GNPTAB: variants seen among roughly 807,000 people sequenced by gnomAD.
GNPTAB encodes the protein N-acetylglucosamine-1-phosphotransferase subunits alpha/beta.
In GNPTAB, 92 loss-of-function variants were observed where a neutral mutation model predicts 136.6. That is an observed-to-expected ratio of 0.67 (90% CI 0.57 to 0.80). GNPTAB has a LOEUF of 0.80. GNPTAB is among the 30% of genes least tolerant of loss of function. GNPTAB has a pLI of 0.00. For synonymous variants in GNPTAB, 512 were observed against 535.1 expected (o/e 0.96, Z 0.60); for missense variants, 1,343 against 1,501.8 (o/e 0.89, Z 1.75).
intron 18 of GNPTAB, 175 bp downstream of exon 18, chr12:101,757,037 G>C (rs959178525): frequency 5.2e-6 from 3 of 572,048 alleles, no homozygotes; most frequent in Non-Finnish European, 9.2e-6. Context: ...CCCTCTGCAT[G>C]GGGGACCCTA....
chr12:101,746,723 A>G lies in GNPTAB; in HGVS notation c.*441T>C, dbSNP rs1409689864. The G allele has an allele frequency of 6.1e-6, 1 of 163,980 alleles. No individual in the cohort carries two copies. Among genetic ancestry groups the G allele is most frequent in the Non-Finnish European group, 1.3e-5 (1 of 75,018 alleles). The allele number at this position is 163,980 out of a possible 1,614,324, so 10.2% of individuals were successfully genotyped here. A position where few individuals can be genotyped will look rare whatever the true frequency, so the allele number is the denominator to read the frequency against. On this transcript the variant is annotated 3_prime_UTR_variant, in exon 21 of 21. Transcript: ENST00000299314. ...AGCAAGAATAACTAGTTAACTTAGT[A>G]ACTACTTAAAAATGGGAAATGAAAA...
At chr12:101,756,445 C>T (rs11111000) in intron 18 of GNPTAB, 44,797 of 394,312 alleles carry the variant, frequency 0.11, 3,322 homozygotes, top group African/African-American at 0.23. Flanking sequence ...TGCAGCAGCT[C>T]ATGTCTGTGG....
At chr12:101,765,803 C>CTTT in intron 12 of GNPTAB, 2 of 411,144 alleles carry the variant, frequency 4.9e-6, no homozygotes, top group East Asian at 5.1e-5. Flanking sequence ...TATTGATATC[C>CTTT]TTTTTTGTTT....
At chr12:101,781,917 T>C (rs191096176) in intron 5 of GNPTAB, among the ~76,000 whole-genome samples, 2 of 152,310 alleles carry the variant, frequency 1.3e-5, no homozygotes, top group Admixed American at 6.5e-5. Flanking sequence ...GTCATCTTCA[T>C]GGATATAACA....
intron 7 of GNPTAB, 92 bp from the exon 8 acceptor site, chr12:101,771,249 T>TC (rs1411802609): frequency 2.4e-6 from 2 of 827,650 alleles, no homozygotes; most frequent in African/African-American, 3.6e-5. Flanking sequence ...ATCTTTCCTT[T>TC]TTTTTTTTTT....
chr12:101,779,884 GT>G, intron 7 of GNPTAB: 1 of 480,778 alleles, frequency 2.1e-6, no homozygotes, highest in East Asian at 4.1e-5. Context: ...GTTGGGCCTG[GT>G]TACTACTTGG....
At chr12:101,750,337 C>T (rs1245074121) in intron 19 of GNPTAB, among the ~76,000 whole-genome samples, 1 of 152,174 alleles carries the variant, frequency 6.6e-6, no homozygotes, top group Non-Finnish European at 1.5e-5. Context: ...ACGGCACTCG[C>T]CCACACACAG....
Position 101,745,546 on chromosome 12 carries a change from C to G in GNPTAB, c.*1618G>C, listed in dbSNP as rs1419858709. 1 of 152,230 alleles carries G rather than the reference C, an allele frequency of 6.6e-6. No individual in the cohort carries two copies. Among genetic ancestry groups the G allele is most frequent in the African/African-American group, 2.4e-5 (1 of 41,460 alleles). The allele number at this position is 152,230 out of a possible 1,614,324, so 9.4% of individuals were successfully genotyped here. A position where few individuals can be genotyped will look rare whatever the true frequency, so the allele number is the denominator to read the frequency against. On this transcript the variant is annotated 3_prime_UTR_variant, in exon 21 of 21. Transcript: ENST00000299314. ...ATGAGATTTCAGTTTTTGAAATACA[C>G]AACTCTTACAGCACAAACACAGTAT...
intron 2 of GNPTAB, among the ~76,000 whole-genome samples, chr12:101,795,313 G>A (rs1437313797): frequency 2.0e-5 from 3 of 152,048 alleles, no homozygotes; most frequent in Admixed American, 6.5e-5. Flanking sequence ...ATTAAGGAAT[G>A]GTCCTCAAAC....
At chr12:101,773,373 T>A (rs544681289) in intron 7 of GNPTAB, 1 of 301,662 alleles carries the variant, frequency 3.3e-6, no homozygotes. Flanking sequence ...GGATCCTGCT[T>A]ATACATTTTC....
chr12:101,771,622 T>G (rs1382821114), intron 7 of GNPTAB, among the ~76,000 whole-genome samples: 2 of 152,094 alleles, frequency 1.3e-5, no homozygotes, highest in Non-Finnish European at 2.9e-5. Context: ...ATTTCCCAAA[T>G]GAATGTTAAA....
At chr12:101,788,203 T>C (rs1868777717) in intron 4 of GNPTAB, among the ~76,000 whole-genome samples, 1 of 152,192 alleles carries the variant, frequency 6.6e-6, no homozygotes, top group Non-Finnish European at 1.5e-5. Flanking sequence ...AACCTATAAG[T>C]AAATGATGGA....
intron 1 of GNPTAB, among the ~76,000 whole-genome samples, chr12:101,824,420 A>G (rs1329202618): frequency 9.3e-6 from 1 of 107,592 alleles, no homozygotes; most frequent in African/African-American, 3.6e-5. Context: ...ATATATATAT[A>G]TATATATATA....
chr12:101,768,707 G>A (rs1566076602), intron 10 of GNPTAB, among the ~76,000 whole-genome samples: 1 of 151,956 alleles, frequency 6.6e-6, no homozygotes, highest in East Asian at 1.9e-4. Flanking sequence ...TGGGGTACAT[G>A]GTTTTTCAAA....
At chr12:101,751,712 T>C (rs553076570) in intron 19 of GNPTAB, among the ~76,000 whole-genome samples, 3 of 152,322 alleles carry the variant, frequency 2.0e-5, no homozygotes, top group Admixed American at 6.5e-5. Flanking sequence ...ATACTTTTAA[T>C]TGTAGAGAGT....
chr12:101,800,303 A>G (rs1447358922), intron 1 of GNPTAB, among the ~76,000 whole-genome samples: 2 of 151,986 alleles, frequency 1.3e-5, no homozygotes, highest in Non-Finnish European at 2.9e-5. Context: ...TGAGCAACAC[A>G]GTGAGACCTC....
chr12:101,748,955 CAT>C, intron 20 of GNPTAB, 144 bp downstream of exon 20: 1 of 614,764 alleles, frequency 1.6e-6, no homozygotes, highest in Non-Finnish European at 2.9e-6. Context: ...TATTGTGAAA[CAT>C]ATTTAACATA....
At chr12:101,780,052 T>C in intron 7 of GNPTAB, 100 bp downstream of exon 7, 1 of 1,174,004 alleles carries the variant, frequency 8.5e-7, no homozygotes, top group Non-Finnish European at 1.3e-6. Context: ...TTCTTATGTT[T>C]ATCAGCTAAA....
Position 101,762,428 on chromosome 12 carries a change from C to A in GNPTAB, c.2716-665G>T, listed in dbSNP as rs572072027. Among the ~76,000 whole-genome samples, 6 of 152,280 alleles carry A rather than the reference C, an allele frequency of 3.9e-5. 1 individual carries two copies. The South Asian group carries it at 1.2e-3, about 32-fold the overall frequency. The stretch of plus-strand genomic sequence containing the variant: ...TTTGTGGAAATATGAAGTGGTGCAA[C>A]ATTTCAGAAAGACATATTTAAAGTT... On this transcript the variant is annotated intron_variant, in intron 13 of 20. Coordinates refer to ENST00000299314, the MANE Select transcript of GNPTAB (RefSeq NM_024312.5).
Sources: allele counts gnomAD v4.1 joint callset (sites outside exome capture counted in the v4.1 genomes callset), GRCh38; gene constraint gnomAD v4.1.1; transcripts MANE v1.5; gene names NCBI Gene and HGNC (gene_info 2026-07-23, HGNC 2026-07-21).